The following VKORC1L1 variants were observed in gnomAD, a reference collection of about 807,000 sequenced individuals.
VKORC1L1 encodes the protein vitamin K epoxide reductase complex subunit 1L1.
Under a neutral mutation model 18.9 loss-of-function variants are expected in VKORC1L1, and 2 were observed. That is an observed-to-expected ratio of 0.11 (90% CI 0.04 to 0.33). The LOEUF is 0.33. Among genes scored for constraint, VKORC1L1 ranks in the 10% least tolerant of loss-of-function variants. The pLI is 1.00. For synonymous variants in VKORC1L1, 96 were observed against 100.0 expected (o/e 0.96, Z 0.24); for missense variants, 123 against 224.1 (o/e 0.55, Z 2.88).
In VKORC1L1 at chr7:65,895,475, AAAAAAATATATATATATATATAT is replaced by A. The variant is rs1432664813; in HGVS notation, c.194+21912_194+21934del. On this transcript the variant is annotated intron_variant, in intron 1 of 2. Transcript: ENST00000360768. Reference sequence around the variant, plus strand: ...TGAGAAAAAAAAAAAAAAAAAAAAAAAAAAAATATATATATATATATATATATATATATATATATATACACACA... The same window carrying A: ...TGAGAAAAAAAAAAAAAAAAAAAAAAATATATATATATATATATACACACA... 2.7e-3 allele frequency among the ~76,000 whole-genome samples: 114 copies of A among 42,828 alleles called. 1 individual carries two copies. Among genetic ancestry groups the A allele is most frequent in the East Asian group, 7.0e-3 (8 of 1,140 alleles). The allele number at this position is 42,828 out of a possible 152,430, so 28.1% of individuals were successfully genotyped here. A position where few individuals can be genotyped will look rare whatever the true frequency, so the allele number is the denominator to read the frequency against.
upstream of VKORC1L1, among the ~76,000 whole-genome samples, chr7:65,869,471 A>G (rs183254743): frequency 6.6e-6 from 1 of 152,180 alleles, no homozygotes; most frequent in Non-Finnish European, 1.5e-5. Context: ...CAAAAGGATC[A>G]TAAGAGCCAT....
upstream of VKORC1L1, among the ~76,000 whole-genome samples, chr7:65,870,106 G>T: frequency 6.6e-6 from 1 of 151,794 alleles, no homozygotes; most frequent in Non-Finnish European, 1.5e-5. Context: ...CATTTTTTGA[G>T]TGTCCATTCA....
upstream of VKORC1L1, among the ~76,000 whole-genome samples, chr7:65,872,968 C>T (rs1421486457): frequency 6.8e-6 from 1 of 147,428 alleles, no homozygotes; most frequent in Non-Finnish European, 1.5e-5. Context: ...GGCTCCGCCC[C>T]TCCCCACCCC....
At chr7:65,937,344 G>A (rs1298109988) in intron 1 of VKORC1L1, among the ~76,000 whole-genome samples, 1 of 152,190 alleles carries the variant, frequency 6.6e-6, no homozygotes, top group Non-Finnish European at 1.5e-5. Context: ...GCAGCTTGTA[G>A]TGGGCATATT....
chr7:65,875,563 G>T (rs1313828490), intron 1 of VKORC1L1, among the ~76,000 whole-genome samples: 1 of 151,642 alleles, frequency 6.6e-6, no homozygotes. Context: ...GACTACAGGC[G>T]CCCGCCACAA....
At chr7:65,897,457 A>G (rs1458731585) in intron 1 of VKORC1L1, among the ~76,000 whole-genome samples, 1 of 152,104 alleles carries the variant, frequency 6.6e-6, no homozygotes, top group Non-Finnish European at 1.5e-5. Flanking sequence ...CTTGTGTAGT[A>G]TAGTATAGTT....
At chr7:65,900,069 GTGTGTGTGTGTGTGTGTGTA>G (rs1365167383) in intron 1 of VKORC1L1, among the ~76,000 whole-genome samples, 5 of 93,818 alleles carry the variant, frequency 5.3e-5, no homozygotes, top group East Asian at 8.7e-4. Context: ...GTGTGTGTGT[GTGTGTGTGTGTGTGTGTGTA>G]TTGAAAATAC....
intron 1 of VKORC1L1, among the ~76,000 whole-genome samples, chr7:65,895,465 AAAAAAAAAAAAAAAAATATATATATAT>A (rs1182995486): frequency 2.1e-5 from 1 of 48,232 alleles, no homozygotes; most frequent in African/African-American, 9.1e-5. Context: ...AAAAAAAAAA[AAAAAAAAAAAAAAAAATATATATATAT>A]ATATATATAT....
At chr7:65,949,140 C>T (rs1267628597) in intron 2 of VKORC1L1, among the ~76,000 whole-genome samples, 2 of 151,964 alleles carry the variant, frequency 1.3e-5, no homozygotes, top group African/African-American at 4.8e-5. Context: ...ATTCATAATC[C>T]CATTACCTTT....
intron 1 of VKORC1L1, among the ~76,000 whole-genome samples, chr7:65,915,417 T>TA (rs1789571526): frequency 6.7e-6 from 1 of 149,294 alleles, no homozygotes; most frequent in Admixed American, 6.7e-5. Flanking sequence ...CTGAACTCTT[T>TA]TTTTTTTTTT....
chr7:65,873,911 G>C lies in VKORC1L1; in HGVS notation c.194+346G>C, dbSNP rs112178968. On this transcript the variant is annotated intron_variant, in intron 1 of 2. Coordinates refer to ENST00000360768, the MANE Select transcript of VKORC1L1 (RefSeq NM_173517.6). ...AGGGGGCTGCGGAGGGTGGGTCCAG[G>C]CTGGCTTGACAGGTTTCCTGGTTCT... Among the ~76,000 whole-genome samples the C allele has an allele frequency of 2.2e-3, 338 of 152,204 alleles. 1 individual carries two copies. The highest frequency in any genetic ancestry group is 7.7e-3 in the African/African-American group (319 of 41,562).
chr7:65,930,431 C>G (rs973305658), intron 1 of VKORC1L1, among the ~76,000 whole-genome samples: 14 of 152,238 alleles, frequency 9.2e-5, no homozygotes, highest in African/African-American at 2.9e-4. Context: ...GTTAGGGGAG[C>G]GTATTTGGCT....
intron 1 of VKORC1L1, among the ~76,000 whole-genome samples, chr7:65,897,639 T>G (rs1204546591): frequency 6.6e-6 from 1 of 151,344 alleles, no homozygotes; most frequent in Non-Finnish European, 1.5e-5. Context: ...CAGGGTAGTA[T>G]TACTCTTGCG....
chr7:65,877,645 G>A (rs1261866801), intron 1 of VKORC1L1, among the ~76,000 whole-genome samples: 2 of 152,192 alleles, frequency 1.3e-5, no homozygotes, highest in African/African-American at 4.8e-5. Context: ...ACCGTGTCCA[G>A]CTGTAATATG....
intron 1 of VKORC1L1, among the ~76,000 whole-genome samples, chr7:65,905,373 C>T (rs1316530952): frequency 3.3e-5 from 5 of 151,800 alleles, no homozygotes; most frequent in Admixed American, 1.3e-4. Context: ...TGCAGTGGCG[C>T]GATCTCAGCT....
intron 1 of VKORC1L1, among the ~76,000 whole-genome samples, chr7:65,874,206 C>T (rs1360822569): frequency 6.6e-6 from 1 of 152,064 alleles, no homozygotes; most frequent in Non-Finnish European, 1.5e-5. Flanking sequence ...AGAAGATACC[C>T]GCACTTAACA....
chr7:65,909,357 AAC>A (rs1639928983), intron 1 of VKORC1L1, among the ~76,000 whole-genome samples: 1 of 152,014 alleles, frequency 6.6e-6, no homozygotes, highest in African/African-American at 2.4e-5. Flanking sequence ...TAAGTAGAGA[AAC>A]CATTGTTACC....
intron 1 of VKORC1L1, among the ~76,000 whole-genome samples, chr7:65,941,231 A>G (rs7809991): frequency 0.51 from 76,993 of 152,038 alleles, 20,636 homozygotes; most frequent in East Asian, 0.81. Context: ...TCAGCCTTCC[A>G]AGTAGCTGGG....
intron 1 of VKORC1L1, among the ~76,000 whole-genome samples, chr7:65,947,984 G>A (rs1005739274): frequency 7.2e-5 from 11 of 152,058 alleles, no homozygotes; most frequent in African/African-American, 2.2e-4. Flanking sequence ...CCACGGGCCC[G>A]GCCCTACATT....
Sources: allele counts gnomAD v4.1 joint callset (sites outside exome capture counted in the v4.1 genomes callset), GRCh38; gene constraint gnomAD v4.1.1; transcripts MANE v1.5; gene names NCBI Gene and HGNC (gene_info 2026-07-23, HGNC 2026-07-21).